The following REEP6 variants were observed in gnomAD, a reference collection of about 807,000 sequenced individuals.
The protein encoded by REEP6 is receptor accessory protein 6.
REEP6 carries 19 observed loss-of-function variants against 22.4 expected under a neutral mutation model. The observed-to-expected ratio is 0.85, with a 90% CI of 0.59 to 1.25. The LOEUF is 1.25. REEP6 is among the 50% of genes most tolerant of loss of function. REEP6 has a pLI of 0.00. For missense variants in REEP6, 273 were observed against 251.9 expected, an observed-to-expected ratio of 1.08 and a Z score of -0.57; for synonymous variants, 121 against 113.6, an observed-to-expected ratio of 1.06 and a Z score of -0.41.
At chr19:1,493,708 GACAC>G (rs55971424) in intron 1 of REEP6, among the ~76,000 whole-genome samples, 12 of 140,760 alleles carry the variant, frequency 8.5e-5, no homozygotes, top group East Asian at 2.1e-4. Context: ...GGCTGAGCTG[GACAC>G]ACACACACAC....
chr19:1,493,663 G>A (rs1465442934), intron 1 of REEP6, among the ~76,000 whole-genome samples: 9 of 138,166 alleles, frequency 6.5e-5, no homozygotes, highest in Non-Finnish European at 1.1e-4. Context: ...TGCAGCTGTC[G>A]TAGTCATTCT....
At chr19:1,494,559 T>C (rs1329152045) in intron 1 of REEP6, among the ~76,000 whole-genome samples, 1 of 152,180 alleles carries the variant, frequency 6.6e-6, no homozygotes, top group East Asian at 1.9e-4. Flanking sequence ...CAGTTGCCTT[T>C]CTCAGCTCTA....
At position 1,491,815 on chromosome 19, in the gene REEP6, G is replaced by A. The variant is rs2084949748; in HGVS notation, c.115+431G>A. Reference sequence around the variant, plus strand: ...GGGAAGGGGAACGGACCGTCCTGGGGGCCTGCCCAGGACCCTTCTCCTTTC... The same window carrying A: ...GGGAAGGGGAACGGACCGTCCTGGGAGCCTGCCCAGGACCCTTCTCCTTTC... On this transcript the variant is annotated intron_variant, in intron 1 of 4. Coordinates refer to ENST00000233596, the MANE Select transcript of REEP6 (RefSeq NM_138393.4). This position sits in a 1 kb window ranked among gnomAD's most constrained non-coding sequence, Gnocchi z 5.4. Among the ~76,000 whole-genome samples the A allele has an allele frequency of 6.6e-6, 1 of 152,166 alleles. No homozygotes were observed. The highest frequency in any genetic ancestry group is 2.4e-5 in the African/African-American group (1 of 41,440).
intron 1 of REEP6, among the ~76,000 whole-genome samples, chr19:1,492,873 G>T: frequency 6.6e-6 from 1 of 152,170 alleles, no homozygotes; most frequent in East Asian, 1.9e-4. Flanking sequence ...GGCATGGCCC[G>T]GCTGTGCCTG....
At chr19:1,493,541 G>C (rs916852937) in intron 1 of REEP6, among the ~76,000 whole-genome samples, 1 of 151,930 alleles carries the variant, frequency 6.6e-6, no homozygotes, top group African/African-American at 2.4e-5. Flanking sequence ...AAGCTCTCTG[G>C]AGCACATAGG....
rs774176028 is a variant in REEP6 at position 1,496,464 on chromosome 19, G to A, written c.517+11G>A. ...GAATAACCAGGAACGGTGGGTGCTC[G>A]CAGGCGCCTGGCTGCCTCAGGCCAT... On this transcript the variant is annotated intron_variant, in intron 4 of 4. Transcript: ENST00000233596. 57 of 1,607,362 alleles carry A rather than the reference G, an allele frequency of 3.5e-5. No individual in the cohort carries two copies. The Admixed American group carries it at 6.3e-4, about 18-fold the overall frequency.
rs2085019597 is a variant in REEP6, at chr19:1,497,520, A to G, written c.*309A>G. The G allele has an allele frequency of 1.5e-6, 1 of 649,786 alleles. No homozygotes were observed. Among genetic ancestry groups the G allele is most frequent in the South Asian group, 1.5e-5 (1 of 66,078 alleles). 40.3% of individuals were successfully genotyped at this position (649,786 alleles called of 1,614,324 possible). On this transcript the variant is annotated 3_prime_UTR_variant, in exon 5 of 5. Coordinates refer to ENST00000233596, the MANE Select transcript of REEP6 (RefSeq NM_138393.4). The surrounding 1 kb of genome is among the most constrained non-coding windows in gnomAD (Gnocchi z 6.5). ...CAGCTCCCACTGGTCTCGGCAACAC[A>G]CCCAGCCGCCTGGTACTTCCTCCAG... is the stretch of plus-strand genomic sequence containing the variant.
At position 1,495,364 on chromosome 19, in the gene REEP6, A is replaced by T. The variant is rs2084997107; in HGVS notation, c.186A>T (p.Gly62=). The change falls in exon 2 of 5, where the codon GGA becomes GGT. Residue 62 remains glycine, a synonymous_variant. Transcript: ENST00000233596. The stretch of plus-strand genomic sequence containing the variant: ...CGTCTCTGCTGTGCAATCTCATCGG[A>T]TTTGTGTACCCCGCATATGCCTCGT... ...YGASLLCNLI[G]FVYPAYASIK... is the part of the protein sequence containing the mutation. 1 of 1,613,556 alleles carries T rather than the reference A, an allele frequency of 6.2e-7. No individual in the cohort carries two copies. Among genetic ancestry groups the T allele is most frequent in the Admixed American group, 1.7e-5 (1 of 60,006 alleles).
In REEP6 at chr19:1,496,941, CGT is replaced by C. The variant is rs560722982; in HGVS notation, c.518-229_518-228del. On this transcript the variant is annotated intron_variant, in intron 4 of 4. Coordinates refer to ENST00000233596, the MANE Select transcript of REEP6 (RefSeq NM_138393.4). ...GTGTGTGCGTGTGACCATGTGTGCA[CGT>C]GTGAGTGCGTGCGTGTGCATGACTG... 7.2e-5 allele frequency among the ~76,000 whole-genome samples: 11 copies of C among 152,158 alleles called. No individual in the cohort carries two copies. The South Asian group carries it at 8.3e-4, about 11-fold the overall frequency.
At chr19:1,496,548 C>T (rs774124804) in intron 4 of REEP6, 95 bp downstream of exon 4, 3 of 1,383,098 alleles carry the variant, frequency 2.2e-6, no homozygotes, top group Non-Finnish European at 3.0e-6. Flanking sequence ...TTGGCCGCCC[C>T]CTCTCACTGT....
intron 1 of REEP6, among the ~76,000 whole-genome samples, chr19:1,493,005 G>T (rs141287526): frequency 6.6e-6 from 1 of 152,134 alleles, no homozygotes; most frequent in Non-Finnish European, 1.5e-5. Flanking sequence ...CTGGGGCACC[G>T]TGTCACCAGA....
In REEP6 at chr19:1,497,120, C is replaced by T. The variant is rs948319326; in HGVS notation, c.518-54C>T. ...CCTCAGTCCCGCCTGCGAGCAGCTC[C>T]GGGGAGCCCAGGCCTGCCTCACGGC... On this transcript the variant is annotated intron_variant, in intron 4 of 4. Coordinates refer to ENST00000233596, the MANE Select transcript of REEP6 (RefSeq NM_138393.4). This position sits in a 1 kb window ranked among gnomAD's most constrained non-coding sequence, Gnocchi z 6.5. 19 of 1,324,296 alleles carry T rather than the reference C, an allele frequency of 1.4e-5. No individual in the cohort carries two copies. The highest frequency in any genetic ancestry group is 1.0e-4 in the East Asian group (4 of 39,660). 82.0% of individuals were successfully genotyped at this position (1,324,296 alleles called of 1,614,324 possible). A position where few individuals can be genotyped will look rare whatever the true frequency, so the allele number is the denominator to read the frequency against.
intron 4 of REEP6, chr19:1,496,702 G>T: frequency 1.7e-6 from 1 of 574,566 alleles, no homozygotes; most frequent in Non-Finnish European, 3.2e-6. Flanking sequence ...GATAGGAGCT[G>T]TGTGTGTGTG....
chr19:1,497,148 T>TCCCCCCCCCCCCCCCC lies in REEP6; in HGVS notation c.518-21_518-20insCCCCCCCCCCCCCCCC. Reference sequence around the variant, plus strand: ...GGAGCCCAGGCCTGCCTCACGGCCCTCCCCCACCCGCCCCTCTCTCTGCAG... The same window carrying TCCCCCCCCCCCCCCCC: ...GGAGCCCAGGCCTGCCTCACGGCCCTCCCCCCCCCCCCCCCCCCCCCACCCGCCCCTCTCTCTGCAG... On this transcript the variant is annotated intron_variant, in intron 4 of 4. Coordinates refer to ENST00000233596, the MANE Select transcript of REEP6 (RefSeq NM_138393.4). The surrounding 1 kb of genome is among the most constrained non-coding windows in gnomAD (Gnocchi z 6.5). The TCCCCCCCCCCCCCCCC allele has an allele frequency of 1.1e-6, 1 of 886,392 alleles. No individual in the cohort carries two copies. The highest frequency in any genetic ancestry group is 1.6e-6 in the Non-Finnish European group (1 of 635,818). 54.9% of individuals were successfully genotyped at this position (886,392 alleles called of 1,614,324 possible). A position where few individuals can be genotyped will look rare whatever the true frequency, so the allele number is the denominator to read the frequency against.
In REEP6 at chr19:1,497,468, GGCCCAGGGCC is replaced by G; in HGVS notation, c.*258_*267del. 1 of 700,772 alleles carries G rather than the reference GGCCCAGGGCC, an allele frequency of 1.4e-6. No homozygotes were observed. 43.4% of individuals were successfully genotyped at this position (700,772 alleles called of 1,614,324 possible). On this transcript the variant is annotated 3_prime_UTR_variant, in exon 5 of 5. Coordinates refer to ENST00000233596, the MANE Select transcript of REEP6 (RefSeq NM_138393.4). The surrounding 1 kb of genome is among the most constrained non-coding windows in gnomAD (Gnocchi z 6.5). ...GCTGTGGCTCCCGCCTGTCCGGCAG[GGCCCAGGGCC>G]AGCGTCGGGCACAGGGCAGCTCCCA... is the stretch of plus-strand genomic sequence containing the variant.
rs137918092 is a variant in REEP6, at chr19:1,497,024, T to C, written c.518-150T>C. On this transcript the variant is annotated intron_variant, in intron 4 of 4. Coordinates refer to ENST00000233596, the MANE Select transcript of REEP6 (RefSeq NM_138393.4). This position sits in a 1 kb window ranked among gnomAD's most constrained non-coding sequence, Gnocchi z 6.5. Reference sequence around the variant, plus strand: ...GTGCATGGGTGACCATGAAAGCCTCTGTGTGGTTGACACCATCTCTGCTGA... The same window carrying C: ...GTGCATGGGTGACCATGAAAGCCTCCGTGTGGTTGACACCATCTCTGCTGA... 1.3e-3 allele frequency: 844 copies of C among 632,460 alleles called. 7 individuals carry two copies. The African/African-American group carries it at 0.014, about 10-fold the overall frequency. 39.2% of individuals were successfully genotyped at this position (632,460 alleles called of 1,614,324 possible).
At chr19:1,495,979 C>A in intron 3 of REEP6, 1 of 529,740 alleles carries the variant, frequency 1.9e-6, no homozygotes, top group Non-Finnish European at 3.3e-6. Context: ...GAGACCCAGG[C>A]TTATTCCAAT....
In REEP6 at chr19:1,491,360, G is replaced by A. The variant is rs369183038; in HGVS notation, c.91G>A (p.Val31Met). Residue 31 changes from valine (V) to methionine (M), a missense_variant, in exon 1 of 5, where the codon GTG becomes ATG. Transcript: ENST00000233596. This position sits in a 1 kb window ranked among gnomAD's most constrained non-coding sequence, Gnocchi z 5.4. Reference sequence around the variant, plus strand: ...GGGGGCGCTGGAGGCCAAGACCGGGGTGGAGAAGCGGTATCTGGCTGCAGG... The same window carrying A: ...GGGGGCGCTGGAGGCCAAGACCGGGATGGAGAAGCGGTATCTGGCTGCAGG... ...VLGALEAKTG[V>M]EKRYLAAGAV... 64 of 1,472,256 alleles carry A rather than the reference G, an allele frequency of 4.3e-5. No individual in the cohort carries two copies. The African/African-American group carries it at 8.3e-4, about 19-fold the overall frequency. The allele number at this position is 1,472,256 out of a possible 1,614,324, so 91.2% of individuals were successfully genotyped here. A position where few individuals can be genotyped will look rare whatever the true frequency, so the allele number is the denominator to read the frequency against.
chr19:1,492,795 G>A (rs1347870627), intron 1 of REEP6, among the ~76,000 whole-genome samples: 1 of 152,184 alleles, frequency 6.6e-6, no homozygotes, highest in African/African-American at 2.4e-5. Context: ...AGAACAGTCT[G>A]AAGTCTGTGC....
Sources: allele counts gnomAD v4.1 joint callset (sites outside exome capture counted in the v4.1 genomes callset), GRCh38; gene constraint gnomAD v4.1.1; non-coding constraint Gnocchi (gnomAD v3.1); transcripts MANE v1.5; gene names NCBI Gene and HGNC (gene_info 2026-07-23, HGNC 2026-07-21).